TOGARAM1: variants seen among roughly 807,000 people sequenced by gnomAD.
TOGARAM1 encodes TOG array regulator of axonemal microtubules protein 1.
TOGARAM1 carries 100 observed loss-of-function variants against 166.6 expected under a neutral mutation model. That is an observed-to-expected ratio of 0.60 (90% CI 0.51 to 0.71). TOGARAM1 has a LOEUF of 0.71. TOGARAM1 is among the 30% of genes least tolerant of loss of function. The probability of loss-of-function intolerance (pLI) is 0.00; values close to 1 mark genes in which losing one functional copy is unlikely to be tolerated. For missense variants in TOGARAM1, 2,029 were observed against 2,102.7 expected (o/e 0.96, Z 0.69); for synonymous variants, 758 against 763.8 (o/e 0.99, Z 0.13).
At chr14:45,068,853 G>A (rs1165700086) in intron 18 of TOGARAM1, among the ~76,000 whole-genome samples, 1 of 151,708 alleles carries the variant, frequency 6.6e-6, no homozygotes, top group Non-Finnish European at 1.5e-5. Flanking sequence ...TCCCTTATCT[G>A]TGACTTTTAT....
chr14:45,044,508 TC>T, intron 12 of TOGARAM1, 126 bp from the exon 13 acceptor site: 1 of 677,742 alleles, frequency 1.5e-6, no homozygotes, highest in Admixed American at 3.0e-5. Flanking sequence ...GCTACTGCAC[TC>T]CAGCCTGGTC....
At position 45,073,395 on chromosome 14, in the gene TOGARAM1, C is replaced by T. The variant is rs974610668; in HGVS notation, c.5156C>T (p.Ser1719Phe). Residue 1719 changes from serine (S) to phenylalanine (F), a missense_variant, in exon 20 of 20, where the codon TCT becomes TTT. Coordinates refer to ENST00000361462, the MANE Select transcript of TOGARAM1 (RefSeq NM_001308120.2). ...HLLGNMTNSG[S>F]LPGAGGNIRT... ...TTAGGAAATATGACAAATAGTGGCT[C>T]TCTGCCTGGAGCTGGAGGAAATATA... 1.5e-5 allele frequency: 24 copies of T among 1,614,124 alleles called. No homozygotes were observed. The highest frequency in any genetic ancestry group is 2.0e-5 in the Non-Finnish European group (24 of 1,180,020).
chr14:45,071,740 C>T lies in TOGARAM1; in HGVS notation c.4998C>T (p.Cys1666=), dbSNP rs1278962960. The change falls in exon 19 of 20, where the codon TGC becomes TGT. Residue 1666 remains cysteine, a synonymous_variant. Coordinates refer to ENST00000361462, the MANE Select transcript of TOGARAM1 (RefSeq NM_001308120.2). ...VDNYLLLQPF[C]TKAQFLNGKA... is the part of the protein sequence containing the mutation. The stretch of plus-strand genomic sequence containing the variant: ...ATTACTTACTTCTACAGCCATTTTG[C>T]ACAAAAGCTCAGTTTTTAAATGGAA... 3.1e-6 allele frequency: 5 copies of T among 1,612,156 alleles called. No homozygotes were observed. The East Asian group carries it at 1.1e-4, about 36-fold the overall frequency.
At chr14:44,967,392 G>A (rs555293580) in intron 1 of TOGARAM1, among the ~76,000 whole-genome samples, 1 of 152,088 alleles carries the variant, frequency 6.6e-6, no homozygotes, top group African/African-American at 2.4e-5. Flanking sequence ...ACCAGCAACA[G>A]CAACCAACTA....
At position 44,963,570 on chromosome 14, in the gene TOGARAM1, C is replaced by T. The variant is rs1167609719; in HGVS notation, c.1149C>T (p.Asn383=). The change falls in exon 1 of 20, where the codon AAC becomes AAT. Residue 383 remains asparagine, a synonymous_variant. Coordinates refer to ENST00000361462, the MANE Select transcript of TOGARAM1 (RefSeq NM_001308120.2). ...EELKQVLGKF[N]PSSTPHSSLV... ...TAAAGCAGGTGCTGGGAAAATTTAA[C>T]CCTAGTTCTACTCCTCATTCTAGTC... The T allele has an allele frequency of 5.6e-6, 9 of 1,613,856 alleles. No individual in the cohort carries two copies. Among genetic ancestry groups the T allele is most frequent in the Non-Finnish European group, 5.9e-6 (7 of 1,179,856 alleles).
rs375493686 is a variant in TOGARAM1 at position 45,068,395 on chromosome 14, C to G, written c.4750-29C>G. 7 of 1,470,164 alleles carry G rather than the reference C, an allele frequency of 4.8e-6. No homozygotes were observed. In the African/African-American group the frequency reaches 9.9e-5, roughly 21 times the overall value. 91.1% of individuals were successfully genotyped at this position (1,470,164 alleles called of 1,614,324 possible). A position where few individuals can be genotyped will look rare whatever the true frequency, so the allele number is the denominator to read the frequency against. Reference sequence around the variant, plus strand: ...TACAATAGCTATAAAAATCATTTTACTTTAAATAATTTACCAATTTATTTT... The same window carrying G: ...TACAATAGCTATAAAAATCATTTTAGTTTAAATAATTTACCAATTTATTTT... On this transcript the variant is annotated intron_variant, in intron 17 of 19. Coordinates refer to ENST00000361462, the MANE Select transcript of TOGARAM1 (RefSeq NM_001308120.2).
At chr14:44,981,813 T>A (rs1191338872) in intron 1 of TOGARAM1, among the ~76,000 whole-genome samples, 2 of 151,402 alleles carry the variant, frequency 1.3e-5, no homozygotes, top group African/African-American at 4.8e-5. Context: ...CTTCTATCCA[T>A]CAGTGAAAGC....
At chr14:45,040,761 G>A (rs894220489) in intron 11 of TOGARAM1, among the ~76,000 whole-genome samples, 4 of 152,184 alleles carry the variant, frequency 2.6e-5, no homozygotes, top group East Asian at 1.9e-4. Flanking sequence ...ACTTGTGACC[G>A]GGCATGGTGG....
intron 5 of TOGARAM1, 161 bp downstream of exon 5, chr14:45,006,428 G>A: frequency 1.8e-6 from 1 of 551,774 alleles, no homozygotes. Context: ...TAGTAGGAAG[G>A]GAATTTATCA....
chr14:44,985,330 C>T (rs1221154525), intron 1 of TOGARAM1, among the ~76,000 whole-genome samples: 9 of 152,044 alleles, frequency 5.9e-5, no homozygotes, highest in Admixed American at 2.0e-4. Flanking sequence ...CCTTTTTAAG[C>T]GGCAAAAATA....
chr14:45,060,549 A>T (rs1003393436), intron 16 of TOGARAM1, among the ~76,000 whole-genome samples: 3 of 152,082 alleles, frequency 2.0e-5, no homozygotes, highest in Non-Finnish European at 4.4e-5. Context: ...TTCCAGACCT[A>T]CTAAATAAGA....
Position 45,071,558 on chromosome 14 carries a change from T to C in TOGARAM1, c.4970-154T>C, listed in dbSNP as rs111922122. On this transcript the variant is annotated intron_variant, in intron 18 of 19. Transcript: ENST00000361462. ...GTGCTAGCCACCATGCAAGGTTTTA[T>C]AGAAAATTTTAAATAGTGATTATGT... Among the ~76,000 whole-genome samples, 43 of 152,268 alleles carry C rather than the reference T, an allele frequency of 2.8e-4. 3 individuals are homozygous for C. The highest frequency in any genetic ancestry group is 1.7e-3 in the East Asian group (9 of 5,176).
Position 45,044,880 on chromosome 14 carries a change from A to C in TOGARAM1, c.4154+10A>C, listed in dbSNP as rs1347019139. 5.0e-6 allele frequency: 8 copies of C among 1,585,430 alleles called. No homozygotes were observed. The highest frequency in any genetic ancestry group is 6.0e-6 in the Non-Finnish European group (7 of 1,160,040). On this transcript the variant is annotated intron_variant, in intron 13 of 19. Coordinates refer to ENST00000361462, the MANE Select transcript of TOGARAM1 (RefSeq NM_001308120.2). ...TCAATGGTGGACAAAGGTAATGTTC[A>C]AAATAACCTTGAAATGTCTTTAAAC...
intron 16 of TOGARAM1, among the ~76,000 whole-genome samples, chr14:45,059,744 ATC>A (rs1335594142): frequency 1.2e-4 from 18 of 152,194 alleles, no homozygotes; most frequent in Admixed American, 2.6e-4. Flanking sequence ...ATACATAGGT[ATC>A]TCTCATATTT....
At chr14:45,071,597 G>A (rs868671711) in intron 18 of TOGARAM1, 115 bp from the exon 19 acceptor site, 1 of 613,994 alleles carries the variant, frequency 1.6e-6, no homozygotes, top group South Asian at 2.4e-5. Context: ...TTTTTAAAGT[G>A]TTATACATTT....
At chr14:45,049,609 A>G (rs1202399966) in intron 14 of TOGARAM1, among the ~76,000 whole-genome samples, 1 of 152,076 alleles carries the variant, frequency 6.6e-6, no homozygotes, top group Non-Finnish European at 1.5e-5. Context: ...ATTCCACCAG[A>G]TCATGTCATT....
At chr14:44,987,722 A>G (rs1232134690) in intron 1 of TOGARAM1, among the ~76,000 whole-genome samples, 1 of 150,156 alleles carries the variant, frequency 6.7e-6, no homozygotes, top group Non-Finnish European at 1.5e-5. Context: ...CTAGAACTGG[A>G]AATACCATTT....
chr14:45,049,662 G>A (rs1428759532), intron 14 of TOGARAM1, among the ~76,000 whole-genome samples: 2 of 152,048 alleles, frequency 1.3e-5, no homozygotes, highest in Non-Finnish European at 2.9e-5. Flanking sequence ...ATAATCTTGG[G>A]AGTGATATCT....
chr14:45,068,284 C>T, intron 17 of TOGARAM1, 140 bp from the exon 18 acceptor site: 4 of 551,298 alleles, frequency 7.3e-6, no homozygotes, highest in Admixed American at 4.0e-5. Context: ...TCCTGTTATC[C>T]AAGTTCAGGC....
Sources: gnomAD v4.1 joint callset for allele counts (sites outside exome capture counted in the v4.1 genomes callset) on GRCh38, gnomAD v4.1.1 for gene constraint, MANE v1.5 for transcripts, NCBI Gene and HGNC (gene_info 2026-07-23, HGNC 2026-07-21) for gene names.